Variants in TENM1 observed in about 807,000 individuals in gnomAD.
TENM1 encodes the protein teneurin transmembrane protein 1.
Under a neutral mutation model 174.8 loss-of-function variants are expected in TENM1, and 35 were observed. The observed-to-expected ratio is 0.20, with a 90% CI of 0.15 to 0.27. The LOEUF (loss-of-function observed/expected upper bound fraction) is 0.27, where lower values mean the gene tolerates loss of function less well. TENM1 is among the 10% of genes least tolerant of loss of function. TENM1 has a pLI of 1.00. For synonymous variants in TENM1, 781 were observed against 798.7 expected, an observed-to-expected ratio of 0.98 and a Z score of 0.37; for missense variants, 1,633 against 2,130.1, an observed-to-expected ratio of 0.77 and a Z score of 4.59.
intron 23 of TENM1, among the ~76,000 whole-genome samples, chrX:124,431,926 G>T (rs1057006205): frequency 1.8e-5 from 2 of 111,971 alleles, no homozygotes; most frequent in Admixed American, 9.5e-5. Context: ...CACTTAAGTT[G>T]CATTGTTCAT....
chrX:125,162,925 A>G, the TENM1 span, among the ~76,000 whole-genome samples: 1 of 111,159 alleles, frequency 9.0e-6, no homozygotes, highest in East Asian at 2.8e-4. Context: ...AATTTCATTT[A>G]ATAGCACCCA....
chrX:124,584,421 T>A (rs187691668), intron 11 of TENM1, among the ~76,000 whole-genome samples: 2 of 110,594 alleles, frequency 1.8e-5, no homozygotes, highest in East Asian at 5.6e-4. Context: ...CAGAATTTCA[T>A]ATCCAGCAAA....
At chrX:124,572,017 G>C (rs2049065234) in intron 11 of TENM1, among the ~76,000 whole-genome samples, 1 of 108,609 alleles carries the variant, frequency 9.2e-6, no homozygotes, top group Admixed American at 9.9e-5. Context: ...TTGAACTCTT[G>C]AGCCCAAGTG....
At chrX:124,735,497 T>C (rs1428070060) in intron 4 of TENM1, among the ~76,000 whole-genome samples, 1 of 112,461 alleles carries the variant, frequency 8.9e-6, no homozygotes, top group African/African-American at 3.2e-5. Flanking sequence ...TATACACTGT[T>C]GGTGGGAATA....
At chrX:124,977,285 G>A in the TENM1 span, among the ~76,000 whole-genome samples, 3 of 111,816 alleles carry the variant, frequency 2.7e-5, no homozygotes. Context: ...TTTTGTGATT[G>A]TAAATGTATC....
At chrX:125,171,246 G>A in the TENM1 span, among the ~76,000 whole-genome samples, 4 of 109,769 alleles carry the variant, frequency 3.6e-5, no homozygotes, top group African/African-American at 1.3e-4. Flanking sequence ...GAATTAGATT[G>A]GAAAGTTGAT....
chrX:124,396,304 C>CTTTTTTTTTT lies in TENM1; in HGVS notation c.5392-3966_5392-3957dup, dbSNP rs1257692658. On this transcript the variant is annotated intron_variant, in intron 27 of 31. Transcript: ENST00000422452. ...CTTTTCCAGCTGAGCCTCTCCCAAC[C>CTTTTTTTTTT]TTTTTTTTTTTTTTCGAGCCGGAGT... Among the ~76,000 whole-genome samples, 7 of 70,438 alleles carry CTTTTTTTTTT rather than the reference C, an allele frequency of 9.9e-5. 2 individuals carry two copies. Among genetic ancestry groups the CTTTTTTTTTT allele is most frequent in the African/African-American group, 2.5e-4 (4 of 15,896 alleles). The allele number at this position is 70,438 out of a possible 115,157, so 61.2% of individuals were successfully genotyped here.
intron 23 of TENM1, among the ~76,000 whole-genome samples, chrX:124,452,874 G>A (rs866482876): frequency 1.5e-5 from 1 of 65,352 alleles, no homozygotes; most frequent in Non-Finnish European, 2.9e-5. Flanking sequence ...GGTGGGGGGA[G>A]GGGGGAGGGA....
intron 11 of TENM1, among the ~76,000 whole-genome samples, chrX:124,566,765 T>C (rs776635810): frequency 5.4e-5 from 6 of 111,985 alleles, no homozygotes; most frequent in Admixed American, 1.9e-4. Flanking sequence ...AATTTGTTCA[T>C]GGGTTTACTC....
chrX:124,968,590 T>G (rs2058754825), upstream of TENM1, among the ~76,000 whole-genome samples: 1 of 112,092 alleles, frequency 8.9e-6, no homozygotes, highest in Non-Finnish European at 1.9e-5. Context: ...GTCATATCTA[T>G]TCAAGGTTAT....
At chrX:124,820,033 T>A (rs1421463577) in intron 3 of TENM1, among the ~76,000 whole-genome samples, 3 of 110,523 alleles carry the variant, frequency 2.7e-5, no homozygotes, top group Non-Finnish European at 5.7e-5. Flanking sequence ...GTGATCCACC[T>A]ACCTCGGCCT....
chrX:124,397,034 G>GT (rs1385500754), intron 27 of TENM1, among the ~76,000 whole-genome samples: 2 of 111,129 alleles, frequency 1.8e-5, no homozygotes, highest in Non-Finnish European at 3.8e-5. Flanking sequence ...TTTCCCTTAT[G>GT]TTTTTTTCAG....
At chrX:124,804,365 G>A (rs2055536361) in intron 3 of TENM1, among the ~76,000 whole-genome samples, 2 of 112,129 alleles carry the variant, frequency 1.8e-5, no homozygotes, top group African/African-American at 3.2e-5. Flanking sequence ...GCCAGAAACT[G>A]GCTAAATGGA....
rs866757581 is a variant in TENM1, at chrX:124,441,206, C to G, written c.4104+12131G>C. 3.7e-4 allele frequency among the ~76,000 whole-genome samples: 41 copies of G among 111,376 alleles called. 1 individual carries two copies. Among genetic ancestry groups the G allele is most frequent in the African/African-American group, 1.3e-3 (40 of 30,601 alleles). On this transcript the variant is annotated intron_variant, in intron 23 of 31. Transcript: ENST00000422452. ...TAAATGGCAGAATATGGACTCACAC[C>G]CAGGATTGTCTATACTCCTTCTACT... is the stretch of plus-strand genomic sequence containing the variant.
At chrX:124,717,768 T>C (rs762828595) in intron 4 of TENM1, among the ~76,000 whole-genome samples, 2 of 112,026 alleles carry the variant, frequency 1.8e-5, no homozygotes, top group African/African-American at 6.5e-5. Flanking sequence ...TTCATGCATA[T>C]AGTACAACCA....
chrX:124,413,026 G>A (rs2060554143), intron 25 of TENM1, among the ~76,000 whole-genome samples: 1 of 112,015 alleles, frequency 8.9e-6, no homozygotes, highest in African/African-American at 3.3e-5. Flanking sequence ...CTGATGGGAT[G>A]TCTACTGGGG....
chrX:124,520,169 G>T (rs1386171215), intron 18 of TENM1, among the ~76,000 whole-genome samples: 1 of 111,953 alleles, frequency 8.9e-6, no homozygotes, highest in African/African-American at 3.2e-5. Context: ...TCTCTAAGTA[G>T]AAATGACAGT....
intron 20 of TENM1, among the ~76,000 whole-genome samples, chrX:124,491,065 G>C (rs1443164549): frequency 8.9e-6 from 1 of 112,263 alleles, no homozygotes; most frequent in East Asian, 2.8e-4. Flanking sequence ...ACTTGTGAAA[G>C]TTGTCAGGTA....
At chrX:125,131,504 T>C in the TENM1 span, among the ~76,000 whole-genome samples, 2 of 111,964 alleles carry the variant, frequency 1.8e-5, no homozygotes. Context: ...AATAGTTTTG[T>C]ATGTTGCACT....
Sources: allele counts gnomAD v4.1 joint callset (sites outside exome capture counted in the v4.1 genomes callset), GRCh38; gene constraint gnomAD v4.1.1; transcripts MANE v1.5; gene names NCBI Gene and HGNC (gene_info 2026-07-23, HGNC 2026-07-21).